Variants in ZNF318 observed in about 807,000 individuals in gnomAD.
ZNF318 encodes the protein zinc finger protein 318.
A neutral mutation model predicts 124.2 loss-of-function variants in ZNF318; 51 were observed. The ratio of observed to expected loss-of-function variants is 0.41; its 90% CI spans 0.33 to 0.52. ZNF318 has a LOEUF of 0.52. Among genes scored for constraint, ZNF318 ranks in the 20% least tolerant of loss-of-function variants. The pLI is 0.23. For missense variants in ZNF318, 2,815 were observed against 2,811.2 expected (o/e 1.00, Z -0.03); for synonymous variants, 1,090 against 1,040.7 (o/e 1.05, Z -0.91).
chr6:43,346,603 T>C (rs990897940), intron 6 of ZNF318, among the ~76,000 whole-genome samples: 2 of 140,050 alleles, frequency 1.4e-5, no homozygotes, highest in African/African-American at 5.4e-5. Context: ...GACAACGAAA[T>C]AAATTTTACA....
intron 4 of ZNF318, among the ~76,000 whole-genome samples, chr6:43,354,114 C>A (rs572802778): frequency 6.6e-6 from 1 of 152,102 alleles, no homozygotes; most frequent in Non-Finnish European, 1.5e-5. Context: ...TACACACACA[C>A]ACACACGTAA....
chr6:43,356,685 T>C (rs1219422261), intron 3 of ZNF318, among the ~76,000 whole-genome samples: 2 of 152,092 alleles, frequency 1.3e-5, no homozygotes, highest in African/African-American at 4.8e-5. Flanking sequence ...AAAATCACAG[T>C]AAGTTGGTGG....
intron 5 of ZNF318, among the ~76,000 whole-genome samples, chr6:43,348,971 T>C (rs957241649): frequency 6.6e-6 from 1 of 152,188 alleles, no homozygotes; most frequent in Non-Finnish European, 1.5e-5. Flanking sequence ...GGGGCGGAGC[T>C]TGCAGTGAGC....
chr6:43,346,431 A>T (rs1294533062), intron 6 of ZNF318, among the ~76,000 whole-genome samples: 2 of 149,774 alleles, frequency 1.3e-5, no homozygotes, highest in Non-Finnish European at 3.0e-5. Context: ...CAATGAGCCG[A>T]GATTGCGCCA....
chr6:43,347,693 A>C (rs1406646087), intron 6 of ZNF318, among the ~76,000 whole-genome samples: 1 of 152,244 alleles, frequency 6.6e-6, no homozygotes, highest in Non-Finnish European at 1.5e-5. Context: ...GACTCATTTG[A>C]CTAGAACATA....
At chr6:43,340,932 A>G in intron 8 of ZNF318, 24 bp from the exon 9 acceptor site, 1 of 1,554,024 alleles carries the variant, frequency 6.4e-7, no homozygotes. Flanking sequence ...AAAAAAGTCA[A>G]GGAAATAAGT....
Position 43,355,229 on chromosome 6 carries a change from G to T in ZNF318, c.2105C>A (p.Pro702His). The stretch of plus-strand genomic sequence containing the variant: ...AGGGCTGTTTTTTGTGAGCAGGTAA[G>T]GATCCACAGGAGAAGGTGGGTGTGG... ...SHPHPPSPVD[P>H]YLLTKNSPPF... Residue 702 changes from proline (P) to histidine (H), a missense_variant, in exon 4 of 10, where the codon CCT (proline) becomes CAT (histidine). Physicochemically the swap from Pro to His is moderately conservative, Grantham distance 77. This residue lies in a region of ZNF318 where 1,377 missense variants were observed against 1,353.5 expected (regional missense o/e 1.02). Coordinates refer to ENST00000361428, the MANE Select transcript of ZNF318 (RefSeq NM_014345.3). The T allele has an allele frequency of 6.2e-7, 1 of 1,614,190 alleles. No homozygotes were observed. Among genetic ancestry groups the T allele is most frequent in the Non-Finnish European group, 8.5e-7 (1 of 1,180,028 alleles).
Position 43,355,349 on chromosome 6 carries a change from T to C in ZNF318, c.1985A>G (p.His662Arg). 6.2e-7 allele frequency: 1 copy of C among 1,614,068 alleles called. No individual in the cohort carries two copies. The highest frequency in any genetic ancestry group is 1.3e-5 in the African/African-American group (1 of 75,008). The change falls in exon 4 of 10, where the codon CAC becomes CGC. Residue 662 changes from histidine to arginine, a missense_variant. His to Arg is a conservative substitution (Grantham distance 29, BLOSUM62 0). Coordinates refer to ENST00000361428, the MANE Select transcript of ZNF318 (RefSeq NM_014345.3). ...GGAACGTCGATCAGCTGAGAAGCAG[T>C]GGTCAACTGAGGAACAGCGGTCAGC... ...FSADRCSSVD[H>R]CFSADRRSSD...
chr6:43,339,013 A>C lies in ZNF318; in HGVS notation c.4985T>G (p.Val1662Gly), dbSNP rs1008160546. Residue 1662 changes from valine to glycine, a missense_variant, in exon 10 of 10, where the codon GTA becomes GGA. This residue lies in a region of ZNF318 where 927 missense variants were observed against 820.6 expected (regional missense o/e 1.13). Transcript: ENST00000361428. This position sits in a 1 kb window ranked among gnomAD's most constrained non-coding sequence, Gnocchi z 4.2. ...GGTGCTGCCTGTGCTTTTTGGGCCTACATGTTCTACAACTGACCATTTCCC... is the reference window on the plus strand; with the variant it reads ...GGTGCTGCCTGTGCTTTTTGGGCCTCCATGTTCTACAACTGACCATTTCCC... ...ALGKWSVVEHVGPKSTGSTYG... is the reference protein window; with the variant it reads ...ALGKWSVVEHGGPKSTGSTYG... 1 of 1,614,230 alleles carries C rather than the reference A, an allele frequency of 6.2e-7. No homozygotes were observed. Among genetic ancestry groups the C allele is most frequent in the South Asian group, 1.1e-5 (1 of 91,092 alleles).
chr6:43,339,171 A>G lies in ZNF318; in HGVS notation c.4827T>C (p.Ser1609=), dbSNP rs754328843. The G allele has an allele frequency of 8.1e-6, 13 of 1,614,026 alleles. No homozygotes were observed. The African/African-American group carries it at 1.7e-4, about 22-fold the overall frequency. The part of the protein sequence containing the change: ...GENSNLSRTK[S]SDTSSTSPLN... ...AAGGAGAAGTAGAAGAGGTGTCTGA[A>G]CTTTTGGTTCTAGAGAGGTTGCTAT... Residue 1609 remains serine, a synonymous_variant, in exon 10 of 10, where the codon AGT becomes AGC. Transcript: ENST00000361428. The surrounding 1 kb of genome is among the most constrained non-coding windows in gnomAD (Gnocchi z 4.2).
intron 2 of ZNF318, among the ~76,000 whole-genome samples, chr6:43,362,936 C>A (rs1779702415): frequency 6.6e-6 from 1 of 152,048 alleles, no homozygotes; most frequent in Non-Finnish European, 1.5e-5. Context: ...TCCACACAAA[C>A]CATACTGAAC....
At position 43,339,638 on chromosome 6, in the gene ZNF318, G is replaced by C; in HGVS notation, c.4360C>G (p.Pro1454Ala). 1 of 1,609,112 alleles carries C rather than the reference G, an allele frequency of 6.2e-7. No homozygotes were observed. Among genetic ancestry groups the C allele is most frequent in the South Asian group, 1.1e-5 (1 of 90,790 alleles). ...PPPPPPPPPP[P>A]PPVIPHPAAP... ...GCTGGATGAGGTATAACGGGGGGTG[G>C]TGGAGGTGGTGGAGGTGGGGGTGGT... The change falls in exon 10 of 10, where the codon CCA (proline) becomes GCA (alanine). Residue 1454 changes from proline (P) to alanine (A), a missense_variant. Around this residue, in one of 4 missense-constraint regions of ZNF318, gnomAD observed 500 missense variants for 605.2 expected, o/e 0.83. Coordinates refer to ENST00000361428, the MANE Select transcript of ZNF318 (RefSeq NM_014345.3). The surrounding 1 kb of genome is among the most constrained non-coding windows in gnomAD (Gnocchi z 4.2).
At chr6:43,350,321 A>C (rs769701991) in intron 5 of ZNF318, among the ~76,000 whole-genome samples, 3 of 152,222 alleles carry the variant, frequency 2.0e-5, no homozygotes, top group Non-Finnish European at 4.4e-5. Flanking sequence ...AGGACACAGG[A>C]GCTAACTCAC....
At chr6:43,349,368 G>T (rs571340785) in intron 5 of ZNF318, among the ~76,000 whole-genome samples, 1 of 150,340 alleles carries the variant, frequency 6.7e-6, no homozygotes, top group Non-Finnish European at 1.5e-5. Flanking sequence ...TGAGTTTTAG[G>T]TTTTGCCTCT....
rs1214112437 is a variant in ZNF318 at position 43,339,582 on chromosome 6, G to A, written c.4416C>T (p.Ile1472=). The change falls in exon 10 of 10, where the codon ATC becomes ATT. Residue 1472 remains isoleucine (I), a synonymous_variant. Coordinates refer to ENST00000361428, the MANE Select transcript of ZNF318 (RefSeq NM_014345.3). The surrounding 1 kb of genome is among the most constrained non-coding windows in gnomAD (Gnocchi z 4.2). ...AAPSAAQANA[I]LAPVKSNPVV... ...CTGGGTTTGATTTTACTGGAGCCAA[G>A]ATAGCATTTGCTTGAGCAGCAGACG... The A allele has an allele frequency of 6.6e-7, 1 of 1,518,570 alleles. No homozygotes were observed. Among genetic ancestry groups the A allele is most frequent in the Admixed American group, 1.8e-5 (1 of 56,258 alleles). 94.1% of individuals were successfully genotyped at this position (1,518,570 alleles called of 1,614,324 possible).
chr6:43,361,934 T>G (rs1581650955), intron 2 of ZNF318, among the ~76,000 whole-genome samples: 2 of 151,844 alleles, frequency 1.3e-5, no homozygotes. Context: ...GGCAGGAGGG[T>G]CACTTGAGCT....
rs561847849 is a variant in ZNF318 at position 43,355,728 on chromosome 6, T to C, written c.1606A>G (p.Lys536Glu). Residue 536 changes from lysine (K) to glutamate (E), a missense_variant, in exon 4 of 10, where the codon AAA becomes GAA. Lys to Glu is a moderately conservative substitution (Grantham distance 56). Transcript: ENST00000361428. ...TCTTCTTCATCCCCATAGAGAAATTTCTCCTCATCTTCAATGTCGGGAAAG... is the reference window on the plus strand; with the variant it reads ...TCTTCTTCATCCCCATAGAGAAATTCCTCCTCATCTTCAATGTCGGGAAAG... ...RSFPDIEDEEKFLYGDEEEDL... is the reference protein window; with the variant it reads ...RSFPDIEDEEEFLYGDEEEDL... The C allele has an allele frequency of 6.2e-7, 1 of 1,614,182 alleles. No individual in the cohort carries two copies. Among genetic ancestry groups the C allele is most frequent in the East Asian group, 2.2e-5 (1 of 44,890 alleles).
Position 43,339,620 on chromosome 6 carries a change from G to A in ZNF318, c.4378C>T (p.His1460Tyr). Reference sequence around the variant, plus strand: ...TGAGCAGCAGACGGGGCAGCTGGATGAGGTATAACGGGGGGTGGTGGAGGT... The same window carrying A: ...TGAGCAGCAGACGGGGCAGCTGGATAAGGTATAACGGGGGGTGGTGGAGGT... Reference protein sequence around the residue: ...PPPPPPPVIPHPAAPSAAQAN... With the variant: ...PPPPPPPVIPYPAAPSAAQAN... The change falls in exon 10 of 10, where the codon CAT becomes TAT. Residue 1460 changes from histidine (H) to tyrosine (Y), a missense_variant. Physicochemically the swap from His to Tyr is moderately conservative, Grantham distance 83. Transcript: ENST00000361428. This position sits in a 1 kb window ranked among gnomAD's most constrained non-coding sequence, Gnocchi z 4.2. The A allele has an allele frequency of 6.2e-7, 1 of 1,604,516 alleles. No homozygotes were observed. Among genetic ancestry groups the A allele is most frequent in the Non-Finnish European group, 8.5e-7 (1 of 1,174,958 alleles).
chr6:43,355,000 G>A lies in ZNF318; in HGVS notation c.2334C>T (p.Tyr778=), dbSNP rs1779583738. 3.1e-6 allele frequency: 5 copies of A among 1,611,388 alleles called. No homozygotes were observed. The highest frequency in any genetic ancestry group is 8.5e-7 in the Non-Finnish European group (1 of 1,178,530). ...QFAAARIPPN[Y]QGPAIPPASF... is the part of the protein sequence containing the mutation. ...AGGCAGGGGGAATGGCAGGTCCCTG[G>A]TAGTTCGGAGGTATCCGAGCTGCAG... The change falls in exon 4 of 10, where the codon TAC becomes TAT. Residue 778 remains tyrosine (Y), a synonymous_variant. Coordinates refer to ENST00000361428, the MANE Select transcript of ZNF318 (RefSeq NM_014345.3).
Sources: gnomAD v4.1 joint callset for allele counts (sites outside exome capture counted in the v4.1 genomes callset) on GRCh38, gnomAD v4.1.1 for gene constraint, gnomAD v4.1.1 regional missense constraint, Gnocchi (gnomAD v3.1) non-coding constraint, MANE v1.5 for transcripts, NCBI Gene and HGNC (gene_info 2026-07-23, HGNC 2026-07-21) for gene names.